The following INPP5F variants were observed in gnomAD, a reference collection of about 807,000 sequenced individuals.
INPP5F encodes inositol polyphosphate-5-phosphatase F, also known as phosphatidylinositide 4-phosphatase SAC2.
A neutral mutation model predicts 137.2 loss-of-function variants in INPP5F; 97 were observed. That is an observed-to-expected ratio of 0.71 (90% CI 0.60 to 0.84). The LOEUF (loss-of-function observed/expected upper bound fraction) is 0.84. INPP5F is among the 40% of genes least tolerant of loss of function. INPP5F has a pLI of 0.00. For missense variants in INPP5F, 1,271 were observed against 1,371.9 expected (o/e 0.93, Z 1.16); for synonymous variants, 504 against 476.9 (o/e 1.06, Z -0.74).
At chr10:119,749,630 C>T (rs1848635761) in intron 1 of INPP5F, among the ~76,000 whole-genome samples, 1 of 152,156 alleles carries the variant, frequency 6.6e-6, no homozygotes, top group African/African-American at 2.4e-5. Context: ...CAGCCTTGAT[C>T]CGATCCATTG....
intron 15 of INPP5F, among the ~76,000 whole-genome samples, chr10:119,818,284 G>GT (rs1229043661): frequency 1.3e-5 from 2 of 152,228 alleles, no homozygotes; most frequent in African/African-American, 2.4e-5. Flanking sequence ...GACCTGCAGG[G>GT]CCCGCCTCGC....
chr10:119,775,481 T>C (rs1849493223), intron 2 of INPP5F, among the ~76,000 whole-genome samples: 1 of 152,248 alleles, frequency 6.6e-6, no homozygotes, highest in South Asian at 2.1e-4. Context: ...CCCAGGCTGG[T>C]CTTGAACTCC....
At chr10:119,772,279 C>T (rs1395140828) in intron 2 of INPP5F, among the ~76,000 whole-genome samples, 1 of 151,950 alleles carries the variant, frequency 6.6e-6, no homozygotes, top group Non-Finnish European at 1.5e-5. Flanking sequence ...GGAAAAGAAA[C>T]CTCAGTCCAG....
Position 119,827,182 on chromosome 10 carries a change from A to G in INPP5F, c.2801A>G (p.Glu934Gly). The G allele has an allele frequency of 6.2e-7, 1 of 1,614,090 alleles. No homozygotes were observed. Among genetic ancestry groups the G allele is most frequent in the Non-Finnish European group, 8.5e-7 (1 of 1,180,016 alleles). The change falls in exon 20 of 20, where the codon GAG becomes GGG. Residue 934 changes from glutamate (E) to glycine (G), a missense_variant. By Grantham distance (98) the Glu-to-Gly change is moderately conservative. This residue lies in a region of INPP5F where 490 missense variants were observed against 443.7 expected (regional missense o/e 1.10). Transcript: ENST00000650623. ...AHGSGLGKGQ[E>G]SPLKKSPSAG... ...GGGAGTGGGCTTGGAAAAGGCCAGG[A>G]GTCTCCTTTGAAGAAAAGTCCTTCT... is the stretch of plus-strand genomic sequence containing the variant.
At position 119,726,364 on chromosome 10, in the gene INPP5F, G is replaced by T; in HGVS notation, c.97+5G>T. The T allele has an allele frequency of 1.5e-6, 2 of 1,350,658 alleles. No homozygotes were observed. Among genetic ancestry groups the T allele is most frequent in the South Asian group, 3.6e-5 (2 of 55,376 alleles). 83.7% of individuals were successfully genotyped at this position (1,350,658 alleles called of 1,614,324 possible). A position where few individuals can be genotyped will look rare whatever the true frequency, so the allele number is the denominator to read the frequency against. ...GCGGCCTCCAGCTCCGACCCGGTGA[G>T]GCTGGCGGTGCGGGCGGGGGGCACC... On this transcript the variant is annotated splice_donor_5th_base_variant and intron_variant, in intron 1 of 19. Transcript: ENST00000650623.
At chr10:119,798,159 A>T (rs1850452804) in intron 8 of INPP5F, among the ~76,000 whole-genome samples, 1 of 151,800 alleles carries the variant, frequency 6.6e-6, no homozygotes, top group Non-Finnish European at 1.5e-5. Flanking sequence ...CTTGATTTTA[A>T]AAAAAATGTT....
chr10:119,805,317 A>G, intron 10 of INPP5F, 67 bp from the exon 11 acceptor site: 1 of 1,243,924 alleles, frequency 8.0e-7, no homozygotes, highest in Non-Finnish European at 1.2e-6. Context: ...TAAATAGCAT[A>G]TCTTAAGTTT....
At chr10:119,788,996 C>T (rs765410588) in intron 3 of INPP5F, among the ~76,000 whole-genome samples, 19 of 152,036 alleles carry the variant, frequency 1.2e-4, no homozygotes, top group Non-Finnish European at 2.6e-4. Context: ...GAGGCCGAGG[C>T]GGGCAGATCA....
chr10:119,751,586 C>A (rs909345220), intron 2 of INPP5F, among the ~76,000 whole-genome samples: 1 of 152,086 alleles, frequency 6.6e-6, no homozygotes, highest in Admixed American at 6.6e-5. Flanking sequence ...GTGGTCCTGT[C>A]AGGGATCCCT....
At chr10:119,777,891 A>C (rs996380608) in intron 2 of INPP5F, among the ~76,000 whole-genome samples, 5 of 152,220 alleles carry the variant, frequency 3.3e-5, no homozygotes, top group Admixed American at 6.5e-5. Flanking sequence ...AAACTTCTGC[A>C]TTTATGAAAC....
At chr10:119,802,649 T>G (rs2134236396) in intron 9 of INPP5F, among the ~76,000 whole-genome samples, 1 of 152,304 alleles carries the variant, frequency 6.6e-6, no homozygotes, top group Middle Eastern at 3.4e-3. Flanking sequence ...TTTTAAAAAC[T>G]CCATGGACTA....
Position 119,796,724 on chromosome 10 carries a change from G to A in INPP5F, c.679G>A (p.Val227Met), listed in dbSNP as rs915852391. Reference sequence around the variant, plus strand: ...TTCATTTTGTTTTCAGACTCCAGATGTGGACTTTTGGATTATCCCCATGAT... The same window carrying A: ...TTCATTTTGTTTTCAGACTCCAGATATGGACTTTTGGATTATCCCCATGAT... ...QDLTEIGTPDVDFWIIPMIQG... is the reference protein window; with the variant it reads ...QDLTEIGTPDMDFWIIPMIQG... Residue 227 changes from valine to methionine, a missense_variant, in exon 7 of 20, where the codon GTG (valine) becomes ATG (methionine). Transcript: ENST00000650623. 6.2e-7 allele frequency: 1 copy of A among 1,613,568 alleles called. No homozygotes were observed. Among genetic ancestry groups the A allele is most frequent in the East Asian group, 2.2e-5 (1 of 44,884 alleles).
chr10:119,812,655 G>A (rs1442461659), intron 15 of INPP5F, among the ~76,000 whole-genome samples: 2 of 152,130 alleles, frequency 1.3e-5, no homozygotes, highest in African/African-American at 4.8e-5. Flanking sequence ...TAGTATTTAT[G>A]TATTAAAAGG....
At chr10:119,729,181 T>C (rs1469189573) in intron 1 of INPP5F, among the ~76,000 whole-genome samples, 1 of 152,208 alleles carries the variant, frequency 6.6e-6, no homozygotes, top group Non-Finnish European at 1.5e-5. Flanking sequence ...AGTCTTGCTC[T>C]GTTGCCCAGG....
chr10:119,816,032 C>T (rs1851261646), intron 15 of INPP5F: 1 of 152,256 alleles, frequency 6.6e-6, no homozygotes. Context: ...GAGCCAACAG[C>T]TTCTCAGGTC....
In INPP5F at chr10:119,791,605, C is replaced by T. The variant is rs903287908; in HGVS notation, c.404C>T (p.Thr135Met). 22 of 1,604,690 alleles carry T rather than the reference C, an allele frequency of 1.4e-5. No homozygotes were observed. The highest frequency in any genetic ancestry group is 1.7e-4 in the Middle Eastern group (1 of 6,038). The change falls in exon 4 of 20, where the codon ACG becomes ATG. Residue 135 changes from threonine to methionine, a missense_variant. Coordinates refer to ENST00000650623, the MANE Select transcript of INPP5F (RefSeq NM_014937.4). ...TCAAAGTTTCTACTGAAGACCTTTA[C>T]GCATATTAAATCCAATGTGTCTGCT... is the stretch of plus-strand genomic sequence containing the variant. ...DDSKFLLKTF[T>M]HIKSNVSAPN...
At chr10:119,745,850 A>G (rs553701483) in intron 1 of INPP5F, among the ~76,000 whole-genome samples, 17 of 151,628 alleles carry the variant, frequency 1.1e-4, no homozygotes, top group Admixed American at 2.0e-4. Flanking sequence ...GATTACAGGT[A>G]TGCGCTACCA....
At chr10:119,745,589 G>A (rs1051030538) in intron 1 of INPP5F, among the ~76,000 whole-genome samples, 1 of 34,752 alleles carries the variant, frequency 2.9e-5, no homozygotes, top group East Asian at 8.8e-4. Flanking sequence ...TAACTTTTGG[G>A]TAAGGTTTCC....
chr10:119,773,522 C>T (rs72826419), intron 2 of INPP5F, among the ~76,000 whole-genome samples: 7,920 of 152,246 alleles, frequency 0.052, 300 homozygotes, highest in Admixed American at 0.1. Flanking sequence ...TCCCCCGTTT[C>T]GGAATCTCCA....
Sources: allele counts gnomAD v4.1 joint callset (sites outside exome capture counted in the v4.1 genomes callset), GRCh38; gene constraint gnomAD v4.1.1; regional missense constraint gnomAD v4.1.1; transcripts MANE v1.5; gene names NCBI Gene and HGNC (gene_info 2026-07-23, HGNC 2026-07-21).